The following PTPN13 variants were observed in gnomAD, a reference collection of about 807,000 sequenced individuals.
PTPN13 encodes the protein tyrosine-protein phosphatase non-receptor type 13.
A neutral mutation model predicts 284.0 loss-of-function variants in PTPN13; 191 were observed. The observed-to-expected ratio is 0.67, with a 90% CI of 0.60 to 0.76. The LOEUF is 0.76. PTPN13 is among the 30% of genes least tolerant of loss of function. The pLI, the probability that PTPN13 is intolerant of heterozygous loss-of-function variation, is 0.00. For missense variants in PTPN13, 2,797 were observed against 2,939.9 expected, an observed-to-expected ratio of 0.95 and a Z score of 1.12; for synonymous variants, 986 against 1,022.3, an observed-to-expected ratio of 0.96 and a Z score of 0.68.
chr4:86,645,629 C>G (rs1724333651), intron 2 of PTPN13, among the ~76,000 whole-genome samples: 1 of 151,714 alleles, frequency 6.6e-6, no homozygotes, highest in Non-Finnish European at 1.5e-5. Flanking sequence ...AAGAATAAAC[C>G]TGACAAAAGA....
intron 42 of PTPN13, among the ~76,000 whole-genome samples, chr4:86,800,316 G>A (rs943406544): frequency 2.0e-5 from 3 of 151,632 alleles, no homozygotes; most frequent in African/African-American, 7.3e-5. Context: ...GAAAGAACAC[G>A]GTTTTGTCAT....
chr4:86,739,036 A>G (rs1735853684), intron 15 of PTPN13, among the ~76,000 whole-genome samples: 1 of 151,748 alleles, frequency 6.6e-6, no homozygotes, highest in African/African-American at 2.4e-5. Context: ...AATTTTTTTT[A>G]TTTTCTAGTT....
intron 1 of PTPN13, among the ~76,000 whole-genome samples, chr4:86,616,859 G>A (rs963448466): frequency 2.6e-5 from 4 of 152,122 alleles, no homozygotes; most frequent in African/African-American, 9.7e-5. Context: ...AGCAATGCAA[G>A]AACAGCCTAA....
intron 47 of PTPN13, 41 bp downstream of exon 47, chr4:86,811,149 G>T (rs1306568467): frequency 6.4e-7 from 1 of 1,555,596 alleles, no homozygotes; most frequent in African/African-American, 1.4e-5. Context: ...TTTTTGTAAA[G>T]ATTCTAATAT....
rs1209652164 is a variant in PTPN13, at chr4:86,759,218, T to C, written c.3553+145T>C. ...GTGATTACTTAATGTGTTCCATCTTTCTTTTGTCAAATCAGAGATAGAGTC... is the reference window on the plus strand; with the variant it reads ...GTGATTACTTAATGTGTTCCATCTTCCTTTTGTCAAATCAGAGATAGAGTC... On this transcript the variant is annotated intron_variant, in intron 23 of 47. Coordinates refer to ENST00000411767, the MANE Select transcript of PTPN13 (RefSeq NM_080683.3). The C allele has an allele frequency of 4.8e-6, 4 of 828,518 alleles. No homozygotes were observed. The African/African-American group carries it at 5.2e-5, about 11-fold the overall frequency. The allele number at this position is 828,518 out of a possible 1,614,324, so 51.3% of individuals were successfully genotyped here.
intron 2 of PTPN13, among the ~76,000 whole-genome samples, chr4:86,664,572 T>C (rs1448232617): frequency 1.3e-5 from 2 of 152,214 alleles, no homozygotes; most frequent in African/African-American, 2.4e-5. Flanking sequence ...ACCTGATCTT[T>C]AGAGAAATTA....
At chr4:86,664,769 A>G (rs1395682493) in intron 2 of PTPN13, among the ~76,000 whole-genome samples, 1 of 152,172 alleles carries the variant, frequency 6.6e-6, no homozygotes, top group Non-Finnish European at 1.5e-5. Context: ...TAGTATTTCA[A>G]AGGAATAAAG....
intron 16 of PTPN13, 79 bp from the exon 17 acceptor site, chr4:86,744,887 C>T: frequency 9.4e-7 from 1 of 1,065,414 alleles, no homozygotes; most frequent in East Asian, 2.6e-5. Flanking sequence ...AGATGTAAGT[C>T]AATATCCAGT....
chr4:86,646,181 GA>G (rs890542115), intron 2 of PTPN13, among the ~76,000 whole-genome samples: 2 of 129,030 alleles, frequency 1.6e-5, no homozygotes, highest in South Asian at 4.9e-4. Context: ...ATCCATAAAA[GA>G]AAAAAAAAGA....
intron 3 of PTPN13, among the ~76,000 whole-genome samples, chr4:86,685,660 A>G (rs1302292899): frequency 6.6e-6 from 1 of 152,234 alleles, no homozygotes; most frequent in Non-Finnish European, 1.5e-5. Flanking sequence ...TTTATTGGTC[A>G]ATTTTTAGAT....
At chr4:86,601,158 A>G (rs537998262) in intron 1 of PTPN13, among the ~76,000 whole-genome samples, 2 of 152,220 alleles carry the variant, frequency 1.3e-5, no homozygotes, top group East Asian at 1.9e-4. Flanking sequence ...TTGTAGCTGT[A>G]CTTCATGAAA....
chr4:86,721,015 C>G (rs1200501810), intron 9 of PTPN13, among the ~76,000 whole-genome samples: 2 of 151,984 alleles, frequency 1.3e-5, no homozygotes, highest in African/African-American at 4.8e-5. Context: ...ATTCCCACTG[C>G]TTCTGTGCCT....
intron 1 of PTPN13, among the ~76,000 whole-genome samples, chr4:86,602,905 C>T (rs996397591): frequency 2.6e-5 from 4 of 151,990 alleles, no homozygotes; most frequent in Non-Finnish European, 5.9e-5. Flanking sequence ...CCTTATGTTG[C>T]GCAGGCTGGT....
chr4:86,748,112 C>CACTA, intron 17 of PTPN13, among the ~76,000 whole-genome samples: 1 of 152,188 alleles, frequency 6.6e-6, no homozygotes, highest in African/African-American at 2.4e-5. Flanking sequence ...TATAAGTGCA[C>CACTA]ACTACTATGG....
At chr4:86,715,414 A>G (rs141335689) in intron 7 of PTPN13, among the ~76,000 whole-genome samples, 110 of 152,304 alleles carry the variant, frequency 7.2e-4, no homozygotes, top group Non-Finnish European at 1.3e-3. Context: ...ACTTCAAAAT[A>G]TAAAGAGACA....
At chr4:86,704,185 AAAT>A in intron 7 of PTPN13, among the ~76,000 whole-genome samples, 1 of 152,294 alleles carries the variant, frequency 6.6e-6, no homozygotes, top group East Asian at 1.9e-4. Flanking sequence ...ACTCCGTCTC[AAAT>A]AATAATCATT....
intron 2 of PTPN13, among the ~76,000 whole-genome samples, chr4:86,637,156 A>G (rs986251433): frequency 3.9e-5 from 6 of 152,138 alleles, no homozygotes; most frequent in African/African-American, 1.4e-4. Context: ...GAATAGACCA[A>G]TAACAGGATC....
chr4:86,602,276 G>A (rs1764358882), intron 1 of PTPN13, among the ~76,000 whole-genome samples: 1 of 152,120 alleles, frequency 6.6e-6, no homozygotes, highest in African/African-American at 2.4e-5. Flanking sequence ...CAAGCTCTGT[G>A]ACCTTGCCCA....
intron 23 of PTPN13, among the ~76,000 whole-genome samples, chr4:86,761,199 A>T (rs1738653142): frequency 1.4e-5 from 2 of 147,268 alleles, no homozygotes; most frequent in South Asian, 4.3e-4. Flanking sequence ...ACTATTTTTT[A>T]AAAATCTGTT....
Sources: gnomAD v4.1 joint callset for allele counts (sites outside exome capture counted in the v4.1 genomes callset) on GRCh38, gnomAD v4.1.1 for gene constraint, MANE v1.5 for transcripts, NCBI Gene and HGNC (gene_info 2026-07-23, HGNC 2026-07-21) for gene names.